The following CRADD variants were observed in gnomAD, a reference collection of about 807,000 sequenced individuals.
CRADD encodes CARD and death domain containing adaptor protein, also known as death domain-containing protein CRADD.
Under a neutral mutation model 15.5 loss-of-function variants are expected in CRADD, and 9 were observed. The ratio of observed to expected loss-of-function variants is 0.58; its 90% confidence interval spans 0.35 to 1.01. The LOEUF (loss-of-function observed/expected upper bound fraction) is 1.01. Ranked by LOEUF, CRADD falls within the 50% of genes least tolerant of loss-of-function variation. CRADD has a pLI of 0.02. For missense variants in CRADD, 227 were observed against 250.3 expected (o/e 0.91, Z 0.63); for synonymous variants, 118 against 107.6 (o/e 1.10, Z -0.60).
chr12:93,783,416 G>GT (rs1200356025), intron 2 of CRADD, among the ~76,000 whole-genome samples: 1 of 151,626 alleles, frequency 6.6e-6, no homozygotes, highest in Non-Finnish European at 1.5e-5. Context: ...TAATTTTTAA[G>GT]TTTTTTTATT....
At chr12:93,763,065 T>C (rs1956986304) in intron 2 of CRADD, among the ~76,000 whole-genome samples, 1 of 152,234 alleles carries the variant, frequency 6.6e-6, no homozygotes, top group Non-Finnish European at 1.5e-5. Context: ...TATACTATGC[T>C]AGAACTTCAC....
intron 2 of CRADD, among the ~76,000 whole-genome samples, chr12:93,870,488 C>T (rs1350323887): frequency 6.6e-6 from 1 of 152,136 alleles, no homozygotes; most frequent in African/African-American, 2.4e-5. Context: ...ATTTTTTTGT[C>T]CATCCCAGCC....
intron 2 of CRADD, among the ~76,000 whole-genome samples, chr12:93,698,469 G>T (rs61928984): frequency 0.037 from 5,697 of 152,216 alleles, 168 homozygotes; most frequent in South Asian, 0.066. Context: ...TCAACTATTA[G>T]AGAGATAGCA....
At chr12:93,773,745 G>T (rs946010118) in intron 2 of CRADD, among the ~76,000 whole-genome samples, 4 of 151,788 alleles carry the variant, frequency 2.6e-5, no homozygotes, top group African/African-American at 9.7e-5. Context: ...AGGCCAGGCT[G>T]GAGGTAGGGC....
chr12:93,882,657 A>G (rs2137074109), intron 2 of CRADD, among the ~76,000 whole-genome samples: 1 of 152,286 alleles, frequency 6.6e-6, no homozygotes, highest in South Asian at 2.1e-4. Context: ...CACCCTTAAA[A>G]TAAATGTGGC....
chr12:93,685,512 G>A (rs1212649791), intron 2 of CRADD, among the ~76,000 whole-genome samples: 1 of 152,094 alleles, frequency 6.6e-6, no homozygotes, highest in African/African-American at 2.4e-5. Flanking sequence ...ATTACACATT[G>A]TATGCATGTA....
chr12:93,742,132 A>G (rs970075372), intron 2 of CRADD, among the ~76,000 whole-genome samples: 14 of 152,202 alleles, frequency 9.2e-5, no homozygotes, highest in African/African-American at 3.1e-4. Flanking sequence ...TGTTAGCCCA[A>G]AATGAAGTTC....
chr12:93,834,966 A>G (rs1020986681), intron 2 of CRADD, among the ~76,000 whole-genome samples: 1 of 152,186 alleles, frequency 6.6e-6, no homozygotes, highest in African/African-American at 2.4e-5. Context: ...GATGTGAAAA[A>G]CAGACAGACT....
chr12:93,695,189 A>G (rs1179153181), intron 2 of CRADD, among the ~76,000 whole-genome samples: 2 of 152,240 alleles, frequency 1.3e-5, no homozygotes, highest in African/African-American at 4.8e-5. Flanking sequence ...GTTGATTTTC[A>G]ACAAAGGTGC....
At position 93,788,067 on chromosome 12, in the gene CRADD, C is replaced by T. The variant is rs116765886; in HGVS notation, c.299-61903C>T. 2.8e-3 allele frequency among the ~76,000 whole-genome samples: 433 copies of T among 152,208 alleles called. 2 individuals are homozygous for T. The highest frequency in any genetic ancestry group is 9.7e-3 in the African/African-American group (402 of 41,534). ...TCTCATGACCATTGGAATGTGTGTA[C>T]GCTCTGGAGGAAACCCATCTCTGCC... On this transcript the variant is annotated intron_variant, in intron 2 of 2. Transcript: ENST00000332896.
intron 2 of CRADD, among the ~76,000 whole-genome samples, chr12:93,724,456 G>A (rs55881766): frequency 0.37 from 55,925 of 151,758 alleles, 11,516 homozygotes; most frequent in East Asian, 0.57. Flanking sequence ...CAATTTCAGA[G>A]GCATCAGTTT....
chr12:93,863,723 A>G (rs1958338637), intron 2 of CRADD, among the ~76,000 whole-genome samples: 1 of 151,872 alleles, frequency 6.6e-6, no homozygotes, highest in Admixed American at 6.6e-5. Flanking sequence ...ATAATCCTAC[A>G]GAATGAAGAG....
chr12:93,742,843 C>T (rs1207361536), intron 2 of CRADD, among the ~76,000 whole-genome samples: 1 of 152,070 alleles, frequency 6.6e-6, no homozygotes, highest in Non-Finnish European at 1.5e-5. Flanking sequence ...GGTGTTTGTG[C>T]GGCTCCAGAT....
chr12:93,817,867 G>A (rs914950763), intron 2 of CRADD, among the ~76,000 whole-genome samples: 1 of 152,122 alleles, frequency 6.6e-6, no homozygotes, highest in African/African-American at 2.4e-5. Flanking sequence ...CAGAATATGG[G>A]AGCTGTTGCT....
chr12:93,680,905 A>G (rs951983155), intron 2 of CRADD, among the ~76,000 whole-genome samples: 2 of 150,118 alleles, frequency 1.3e-5, no homozygotes, highest in African/African-American at 4.9e-5. Context: ...TTTTTTTGAG[A>G]CGGAGTTTCA....
chr12:93,876,635 G>A (rs1435257443), intron 2 of CRADD, among the ~76,000 whole-genome samples: 1 of 151,770 alleles, frequency 6.6e-6, no homozygotes, highest in African/African-American at 2.4e-5. Flanking sequence ...TATACCAATT[G>A]CATTTTTCAG....
chr12:93,886,161 GC>G (rs1304644334), intron 2 of CRADD, among the ~76,000 whole-genome samples: 1 of 102,952 alleles, frequency 9.7e-6, no homozygotes, highest in East Asian at 3.3e-4. Context: ...AGCTGCTGAT[GC>G]TTTTTTTTTT....
intron 2 of CRADD, among the ~76,000 whole-genome samples, chr12:93,870,478 AT>A (rs1196770880): frequency 6.6e-6 from 1 of 152,070 alleles, no homozygotes; most frequent in Non-Finnish European, 1.5e-5. Flanking sequence ...GGCTACTGAC[AT>A]TTTTTTGTCC....
intron 2 of CRADD, among the ~76,000 whole-genome samples, chr12:93,696,523 C>T (rs1014255891): frequency 6.6e-6 from 1 of 151,980 alleles, no homozygotes; most frequent in African/African-American, 2.4e-5. Context: ...TATGTAGAAT[C>T]TAAAAAAGTT....
Sources: gnomAD v4.1 joint callset for allele counts (sites outside exome capture counted in the v4.1 genomes callset) on GRCh38, gnomAD v4.1.1 for gene constraint, MANE v1.5 for transcripts, NCBI Gene and HGNC (gene_info 2026-07-23, HGNC 2026-07-21) for gene names.